Variants in UPP2 observed in about 807,000 individuals in gnomAD.
UPP2 encodes the protein uridine phosphorylase 2.
In UPP2, 23 loss-of-function variants were observed where a neutral mutation model predicts 26.7. The observed-to-expected ratio is 0.86, with a 90% CI of 0.62 to 1.22. The LOEUF is 1.22. UPP2 is among the 50% of genes most tolerant of loss of function. UPP2 has a pLI of 0.00. For missense variants in UPP2, 387 were observed against 396.7 expected (o/e 0.98, Z 0.21); for synonymous variants, 127 against 141.3 (o/e 0.90, Z 0.72).
At chr2:158,099,063 G>C (rs1683031199), upstream of UPP2, among the ~76,000 whole-genome samples, 1 of 152,170 alleles carries the variant, frequency 6.6e-6, no homozygotes, top group African/African-American at 2.4e-5. Context: ...AGAGAATGCT[G>C]AATTTACACT....
chr2:158,093,013 C>T (rs927295983), intron 3 of UPP2, among the ~76,000 whole-genome samples: 2 of 152,092 alleles, frequency 1.3e-5, no homozygotes, highest in Non-Finnish European at 2.9e-5. Context: ...CTCCGCCTCC[C>T]GGGTTCAAGT....
chr2:158,095,480 T>C (rs113394328), intron 3 of UPP2, among the ~76,000 whole-genome samples: 5,522 of 152,280 alleles, frequency 0.036, 128 homozygotes, highest in Non-Finnish European at 0.053. Flanking sequence ...GCCATTCTCC[T>C]TGGACTTTGT....
intron 2 of UPP2, among the ~76,000 whole-genome samples, chr2:158,000,855 A>G (rs1683393979): frequency 6.6e-6 from 1 of 152,370 alleles, no homozygotes; most frequent in Non-Finnish European, 1.5e-5. Context: ...CAAAACAGCA[A>G]TGATCAATTC....
intron 3 of UPP2, among the ~76,000 whole-genome samples, chr2:158,023,211 T>G (rs1449974937): frequency 5.6e-5 from 4 of 71,004 alleles, no homozygotes; most frequent in African/African-American, 1.1e-4. Context: ...TGTGATGAGG[T>G]CATGGGGTTG....
At chr2:158,071,014 A>G (rs560551055) in intron 3 of UPP2, among the ~76,000 whole-genome samples, 1 of 152,316 alleles carries the variant, frequency 6.6e-6, no homozygotes, top group East Asian at 1.9e-4. Flanking sequence ...CATCCATCCC[A>G]GTGGTTGGGA....
chr2:158,047,767 C>T (rs1684177113), intron 3 of UPP2, among the ~76,000 whole-genome samples: 1 of 152,028 alleles, frequency 6.6e-6, no homozygotes, highest in Non-Finnish European at 1.5e-5. Flanking sequence ...CACAGTGGCT[C>T]ATTCATTCAT....
intron 3 of UPP2, among the ~76,000 whole-genome samples, chr2:158,037,150 G>A (rs1429258590): frequency 6.6e-6 from 1 of 152,116 alleles, no homozygotes; most frequent in East Asian, 1.9e-4. Flanking sequence ...TAAGGTGGGT[G>A]AATAACGAGG....
chr2:158,048,476 C>T lies in UPP2; in HGVS notation c.147+32590C>T, dbSNP rs534165709. Among the ~76,000 whole-genome samples, 4 of 152,314 alleles carry T rather than the reference C, an allele frequency of 2.6e-5. No homozygotes were observed. The South Asian group carries it at 8.3e-4, about 32-fold the overall frequency. ...AAAATTACCCAGGCATGGTGCCATG[C>T]ACCTGTGGTCCCAGCTACTTGGGAG... On this transcript the variant is annotated intron_variant, in intron 3 of 9. Coordinates refer to the UPP2 transcript ENST00000605860.
chr2:158,065,782 AGATTGAT>A (rs1431829894), intron 3 of UPP2: 1 of 697,652 alleles, frequency 1.4e-6, no homozygotes, highest in Non-Finnish European at 2.6e-6. Context: ...CCATCCAACC[AGATTGAT>A]GACTGGTTAA....
In UPP2 at chr2:158,101,992, A is replaced by C; in HGVS notation, c.-72A>C. 6.2e-7 allele frequency: 1 copy of C among 1,600,940 alleles called. No homozygotes were observed. The highest frequency in any genetic ancestry group is 8.5e-7 in the Non-Finnish European group (1 of 1,175,088). Reference sequence around the variant, plus strand: ...ACTGAACTATTATGACTAGGTCTATAATTTAATAACAAGTCACAATATCTC... The same window carrying C: ...ACTGAACTATTATGACTAGGTCTATCATTTAATAACAAGTCACAATATCTC... On this transcript the variant is annotated 5_prime_UTR_variant, in exon 1 of 7. Transcript: ENST00000005756.
At chr2:158,064,429 C>T (rs1260051391) in intron 3 of UPP2, among the ~76,000 whole-genome samples, 5 of 151,100 alleles carry the variant, frequency 3.3e-5, no homozygotes, top group Non-Finnish European at 7.4e-5. Context: ...CCTTCACCCA[C>T]TTTTTGATGG....
At chr2:158,071,756 C>T (rs567671080) in intron 3 of UPP2, among the ~76,000 whole-genome samples, 2 of 151,956 alleles carry the variant, frequency 1.3e-5, no homozygotes, top group East Asian at 1.9e-4. Context: ...TTGAGAAGAA[C>T]CAAGTCCTGG....
intron 6 of UPP2, among the ~76,000 whole-genome samples, chr2:158,130,547 G>A (rs1443775181): frequency 6.6e-6 from 1 of 151,974 alleles, no homozygotes; most frequent in Non-Finnish European, 1.5e-5. Flanking sequence ...TGATCCAAAT[G>A]TTAAACTTAA....
intron 6 of UPP2, among the ~76,000 whole-genome samples, chr2:158,126,242 A>T (rs1288280131): frequency 6.6e-6 from 1 of 152,042 alleles, no homozygotes; most frequent in Non-Finnish European, 1.5e-5. Flanking sequence ...TCTTCTCTAC[A>T]TTTCTGTAGT....
chr2:158,095,596 T>C (rs368400857), intron 3 of UPP2, among the ~76,000 whole-genome samples: 2 of 152,212 alleles, frequency 1.3e-5, no homozygotes, highest in African/African-American at 4.8e-5. Context: ...ATTTACTCAC[T>C]ATAGGATCTC....
At position 158,135,624 on chromosome 2, in the gene UPP2, AT is replaced by A. The variant is rs983329365; in HGVS notation, c.*740del. On this transcript the variant is annotated 3_prime_UTR_variant, in exon 7 of 7. Coordinates refer to ENST00000005756, the MANE Select transcript of UPP2 (RefSeq NM_173355.4). The stretch of plus-strand genomic sequence containing the variant: ...AAAAAAAGTGTTTTGAGGAGGCTGT[AT>A]TTTTTATTCCATTTCAATATTAACC... 3.3e-5 allele frequency: 5 copies of A among 152,134 alleles called. No homozygotes were observed. Among genetic ancestry groups the A allele is most frequent in the Admixed American group, 6.6e-5 (1 of 15,266 alleles). 9.4% of individuals were successfully genotyped at this position (152,134 alleles called of 1,614,324 possible). A position where few individuals can be genotyped will look rare whatever the true frequency, so the allele number is the denominator to read the frequency against.
At chr2:158,027,096 C>T (rs1006201004) in intron 3 of UPP2, among the ~76,000 whole-genome samples, 73 of 152,086 alleles carry the variant, frequency 4.8e-4, no homozygotes, top group African/African-American at 1.3e-3. Context: ...CATTCCACCC[C>T]GGCTCCTCCA....
At chr2:158,059,548 C>G (rs1479374788) in intron 3 of UPP2, among the ~76,000 whole-genome samples, 1 of 152,200 alleles carries the variant, frequency 6.6e-6, no homozygotes, top group African/African-American at 2.4e-5. Context: ...AATGACCAAA[C>G]TTAAGCACCT....
intron 3 of UPP2, among the ~76,000 whole-genome samples, chr2:158,060,757 A>G (rs1354311156): frequency 6.6e-6 from 1 of 152,186 alleles, no homozygotes; most frequent in Non-Finnish European, 1.5e-5. Flanking sequence ...CTTAAAAAGA[A>G]GAGCCACCAG....
Sources: gnomAD v4.1 joint callset for allele counts (sites outside exome capture counted in the v4.1 genomes callset) on GRCh38, gnomAD v4.1.1 for gene constraint, MANE v1.5 for transcripts, NCBI Gene and HGNC (gene_info 2026-07-23, HGNC 2026-07-21) for gene names.